INPP5F: variants seen among roughly 807,000 people sequenced by gnomAD.
INPP5F encodes the protein phosphatidylinositide 4-phosphatase SAC2.
Under a neutral mutation model 137.2 loss-of-function variants are expected in INPP5F, and 97 were observed. The observed-to-expected ratio is 0.71, with a 90% CI of 0.60 to 0.84. The LOEUF (loss-of-function observed/expected upper bound fraction) is 0.84, where lower values mean the gene tolerates loss of function less well. Ranked by LOEUF, INPP5F falls within the 40% of genes least tolerant of loss-of-function variation. INPP5F has a pLI of 0.00. For synonymous variants in INPP5F, 504 were observed against 476.9 expected, an observed-to-expected ratio of 1.06 and a Z score of -0.74; for missense variants, 1,271 against 1,371.9, an observed-to-expected ratio of 0.93 and a Z score of 1.16.
chr10:119,796,994 C>A, intron 7 of INPP5F, 81 bp downstream of exon 7: 1 of 1,292,394 alleles, frequency 7.7e-7, no homozygotes, highest in East Asian at 2.4e-5. Context: ...ATGCTAATGA[C>A]AATAATGGAT....
chr10:119,755,515 G>A (rs1198909303), intron 2 of INPP5F, among the ~76,000 whole-genome samples: 1 of 152,204 alleles, frequency 6.6e-6, no homozygotes, highest in Non-Finnish European at 1.5e-5. Flanking sequence ...GGTCCTGGGA[G>A]TTAGGACTTC....
At chr10:119,797,753 GA>G (rs2134225292) in intron 8 of INPP5F, 113 bp downstream of exon 8, 2 of 697,108 alleles carry the variant, frequency 2.9e-6, no homozygotes, top group East Asian at 6.1e-5. Context: ...CTTTCAAAAC[GA>G]TAACTTGTAT....
Position 119,768,453 on chromosome 10 carries a change from C to T in INPP5F, c.179-13182C>T, listed in dbSNP as rs541754949. ...GGCCCAGATCAGAAATGGAGCAGGT[C>T]AGAACTCCCACGCTGTGATCAGTAG... On this transcript the variant is annotated intron_variant, in intron 2 of 19. Coordinates refer to ENST00000650623, the MANE Select transcript of INPP5F (RefSeq NM_014937.4). 4 of 152,284 alleles carry T rather than the reference C, an allele frequency of 2.6e-5. No homozygotes were observed. In the East Asian group the frequency reaches 7.7e-4, roughly 29 times the overall value. The allele number at this position is 152,284 out of a possible 1,614,324, so 9.4% of individuals were successfully genotyped here.
intron 15 of INPP5F, chr10:119,815,935 G>C (rs959375782): frequency 6.6e-6 from 1 of 152,618 alleles, no homozygotes; most frequent in African/African-American, 2.4e-5. Context: ...GGTGGTCCCC[G>C]TGGTTAACGT....
intron 1 of INPP5F, among the ~76,000 whole-genome samples, chr10:119,750,398 G>A (rs1325601126): frequency 1.3e-5 from 2 of 152,164 alleles, no homozygotes; most frequent in Non-Finnish European, 2.9e-5. Context: ...TTAGGCATCC[G>A]TTGCATGTAA....
chr10:119,750,925 G>A, intron 1 of INPP5F, 151 bp from the exon 2 acceptor site: 1 of 631,108 alleles, frequency 1.6e-6, no homozygotes, highest in South Asian at 1.9e-5. Flanking sequence ...TTAATACTTT[G>A]TCACAAATTG....
chr10:119,809,253 G>T (rs1850928854), intron 13 of INPP5F, among the ~76,000 whole-genome samples: 1 of 149,944 alleles, frequency 6.7e-6, no homozygotes, highest in Non-Finnish European at 1.5e-5. Flanking sequence ...AAAAAGCCTG[G>T]TTCAAGTTAG....
intron 1 of INPP5F, among the ~76,000 whole-genome samples, chr10:119,741,351 G>T (rs1388340792): frequency 6.6e-6 from 1 of 152,014 alleles, no homozygotes; most frequent in African/African-American, 2.4e-5. Context: ...CTGTTGTCCC[G>T]CTGAGTGGGT....
intron 2 of INPP5F, among the ~76,000 whole-genome samples, chr10:119,761,149 C>T (rs1419105232): frequency 1.3e-5 from 2 of 152,060 alleles, no homozygotes; most frequent in Non-Finnish European, 2.9e-5. Flanking sequence ...AGGGATTTAA[C>T]TACAGTCTTA....
At chr10:119,785,815 C>T (rs1849889149) in intron 3 of INPP5F, among the ~76,000 whole-genome samples, 1 of 152,072 alleles carries the variant, frequency 6.6e-6, no homozygotes, top group African/African-American at 2.4e-5. Flanking sequence ...GCTGTGATTG[C>T]ACCACAGCAC....
rs1408712816 is a variant in INPP5F, at chr10:119,748,991, G to A, written c.98-2085G>A. Reference sequence around the variant, plus strand: ...TGCTGGCCTCTCTCCCACGCTTATCGGCACCCGAAGTCCAGAGGGGGCTGA... The same window carrying A: ...TGCTGGCCTCTCTCCCACGCTTATCAGCACCCGAAGTCCAGAGGGGGCTGA... On this transcript the variant is annotated intron_variant, in intron 1 of 19. Transcript: ENST00000650623. This position sits in a 1 kb window ranked among gnomAD's most constrained non-coding sequence, Gnocchi z 4.7. Among the ~76,000 whole-genome samples the A allele has an allele frequency of 1.3e-5, 2 of 152,272 alleles. No homozygotes were observed. Among genetic ancestry groups the A allele is most frequent in the Non-Finnish European group, 2.9e-5 (2 of 68,008 alleles).
intron 1 of INPP5F, among the ~76,000 whole-genome samples, chr10:119,742,440 G>A (rs1420357314): frequency 1.3e-5 from 2 of 152,204 alleles, no homozygotes. Context: ...ACAGGCATGA[G>A]GCACTGCGCC....
intron 4 of INPP5F, 70 bp from the exon 5 acceptor site, chr10:119,791,799 G>A (rs61867934): frequency 1.4e-6 from 2 of 1,396,222 alleles, no homozygotes; most frequent in South Asian, 2.7e-5. Flanking sequence ...TCTGTCTTAG[G>A]AATTTATGTG....
At chr10:119,755,644 T>C (rs1848818771) in intron 2 of INPP5F, among the ~76,000 whole-genome samples, 1 of 152,214 alleles carries the variant, frequency 6.6e-6, no homozygotes, top group Non-Finnish European at 1.5e-5. Context: ...TTCTGTTTCC[T>C]GCTGCTTGTG....
chr10:119,750,656 C>T (rs1333490984), intron 1 of INPP5F, among the ~76,000 whole-genome samples: 2 of 152,188 alleles, frequency 1.3e-5, no homozygotes, highest in Admixed American at 6.5e-5. Context: ...TAAGCATCTT[C>T]GGGAAAATGT....
chr10:119,774,605 A>G (rs950370511), intron 2 of INPP5F, among the ~76,000 whole-genome samples: 1 of 151,854 alleles, frequency 6.6e-6, no homozygotes, highest in African/African-American at 2.4e-5. Flanking sequence ...AAGTGCTGGA[A>G]GTACCACTCC....
At chr10:119,739,996 C>T (rs1848328518) in intron 1 of INPP5F, among the ~76,000 whole-genome samples, 1 of 151,726 alleles carries the variant, frequency 6.6e-6, no homozygotes. Flanking sequence ...GTTATTTCTA[C>T]CTTTTATTTA....
intron 12 of INPP5F, among the ~76,000 whole-genome samples, chr10:119,807,273 CAAAATA>C (rs1269611254): frequency 2.0e-5 from 3 of 151,658 alleles, no homozygotes; most frequent in Middle Eastern, 3.4e-3. Flanking sequence ...ACTCTATCTT[CAAAATA>C]AAAATAAAAA....
At position 119,811,876 on chromosome 10, in the gene INPP5F, T is replaced by C. The variant is rs917106420; in HGVS notation, c.1807T>C (p.Leu603=). The C allele has an allele frequency of 4.3e-6, 7 of 1,613,528 alleles. No homozygotes were observed. The African/African-American group carries it at 5.3e-5, about 12-fold the overall frequency. ...CCACCAGGAACTAATTAGCCAGCTC[T>C]TACAAAGTTACATGAAGTTACTACT... is the stretch of plus-strand genomic sequence containing the variant. ...RSHQELISQL[L]QSYMKLLLPD... is the part of the protein sequence containing the mutation. The change falls in exon 15 of 20, where the codon TTA becomes CTA. Residue 603 remains leucine (L), a synonymous_variant. Transcript: ENST00000650623.
Sources: gnomAD v4.1 joint callset for allele counts (sites outside exome capture counted in the v4.1 genomes callset) on GRCh38, gnomAD v4.1.1 for gene constraint, Gnocchi (gnomAD v3.1) non-coding constraint, MANE v1.5 for transcripts, NCBI Gene and HGNC (gene_info 2026-07-23, HGNC 2026-07-21) for gene names.